Variants in TRAF7 observed in about 807,000 individuals in gnomAD.
The protein encoded by TRAF7 is E3 ubiquitin-protein ligase TRAF7.
TRAF7 carries 45 observed loss-of-function variants against 89.3 expected under a neutral mutation model. The observed-to-expected ratio is 0.50, with a 90% CI of 0.40 to 0.65. The LOEUF is 0.65. TRAF7 is among the 30% of genes least tolerant of loss of function. TRAF7 has a pLI of 0.00. For synonymous variants in TRAF7, 406 were observed against 369.2 expected (o/e 1.10, Z -1.14); for missense variants, 677 against 918.1 (o/e 0.74, Z 3.39).
intron 5 of TRAF7, among the ~76,000 whole-genome samples, chr16:2,170,966 A>G (rs2093106910): frequency 6.6e-6 from 1 of 152,230 alleles, no homozygotes; most frequent in African/African-American, 2.4e-5. Context: ...GGCAGCGGGA[A>G]GCACAGGGCT....
At chr16:2,166,627 C>T (rs2093087531) in intron 3 of TRAF7, among the ~76,000 whole-genome samples, 1 of 152,182 alleles carries the variant, frequency 6.6e-6, no homozygotes, top group Non-Finnish European at 1.5e-5. Context: ...GTCTCAAATT[C>T]CTGGGCTCAC....
At position 2,161,319 on chromosome 16, in the gene TRAF7, T is replaced by C. The variant is rs1229571168; in HGVS notation, c.-38-2564T>C. Among the ~76,000 whole-genome samples, 3 of 151,860 alleles carry C rather than the reference T, an allele frequency of 2.0e-5. No individual in the cohort carries two copies. The highest frequency in any genetic ancestry group is 1.5e-5 in the Non-Finnish European group (1 of 67,946). The stretch of plus-strand genomic sequence containing the variant: ...GCACACCCCACAGATCCTGTGGTGT[T>C]GTCCCCGTGGCCCGGCTGCTGTTGG... On this transcript the variant is annotated intron_variant, in intron 1 of 20. Transcript: ENST00000326181. The surrounding 1 kb of genome is among the most constrained non-coding windows in gnomAD (Gnocchi z 5.2).
In TRAF7 at chr16:2,161,946, C is replaced by T. The variant is rs939572358; in HGVS notation, c.-38-1937C>T. Among the ~76,000 whole-genome samples the T allele has an allele frequency of 2.6e-5, 4 of 152,220 alleles. No homozygotes were observed. Among genetic ancestry groups the T allele is most frequent in the Non-Finnish European group, 4.4e-5 (3 of 68,024 alleles). On this transcript the variant is annotated intron_variant, in intron 1 of 20. Transcript: ENST00000326181. This position sits in a 1 kb window ranked among gnomAD's most constrained non-coding sequence, Gnocchi z 5.2. ...CTGCAGGTGTGTGGCACTGCCCACA[C>T]TCAGGAGCCCCTGCCTCTTCCACAA...
At position 2,175,415 on chromosome 16, in the gene TRAF7, A is replaced by G. The variant is rs1475565384; in HGVS notation, c.1501A>G (p.Lys501Glu). Residue 501 changes from lysine (K) to glutamate (E), a missense_variant and splice_region_variant, in exon 16 of 21, where the codon AAG (lysine) becomes GAG (glutamate). Physicochemically the swap from Lys to Glu is moderately conservative, Grantham distance 56 (BLOSUM62 1). Around this residue, in one of 6 missense-constraint regions of TRAF7, gnomAD observed 160 missense variants for 263.7 expected, o/e 0.61. Transcript: ENST00000326181. ...VLFSGSLKAIKVWDIVGTELK... is the reference protein window; with the variant it reads ...VLFSGSLKAIEVWDIVGTELK... ...CTTCAGCGGCTCCCTGAAGGCCATC[A>G]AGGTACGGGTGGAGGCTGTGCCTAC... 1.2e-6 allele frequency: 2 copies of G among 1,613,322 alleles called. No individual in the cohort carries two copies. Among genetic ancestry groups the G allele is most frequent in the African/African-American group, 2.7e-5 (2 of 74,934 alleles).
chr16:2,173,692 G>A, intron 11 of TRAF7, 96 bp from the exon 12 acceptor site: 4 of 1,581,444 alleles, frequency 2.5e-6, no homozygotes, highest in Non-Finnish European at 2.6e-6. Context: ...TGTCACCCCT[G>A]CCCACCCCTG....
intron 4 of TRAF7, 74 bp from the exon 5 acceptor site, chr16:2,170,540 G>A (rs2093104549): frequency 1.9e-5 from 22 of 1,185,358 alleles, no homozygotes; most frequent in South Asian, 7.7e-5. Flanking sequence ...CGCTTCCGCC[G>A]GGCTGGGTCC....
chr16:2,168,826 A>T lies in TRAF7; in HGVS notation c.231+658A>T, dbSNP rs1270108607. ...GCGCTCATTGCTGGGCTCTGGGCCT[A>T]CCCAGGGGACAGAGGCCAACTCTAC... On this transcript the variant is annotated intron_variant, in intron 4 of 20. Coordinates refer to ENST00000326181, the MANE Select transcript of TRAF7 (RefSeq NM_032271.3). This position sits in a 1 kb window ranked among gnomAD's most constrained non-coding sequence, Gnocchi z 4.1. Among the ~76,000 whole-genome samples the T allele has an allele frequency of 6.6e-6, 1 of 151,530 alleles. No homozygotes were observed. The highest frequency in any genetic ancestry group is 2.4e-5 in the African/African-American group (1 of 41,156).
chr16:2,166,179 C>A (rs1283454116), intron 3 of TRAF7, among the ~76,000 whole-genome samples: 1 of 152,230 alleles, frequency 6.6e-6, no homozygotes, highest in Admixed American at 6.5e-5. Flanking sequence ...CTCTCCCTGC[C>A]CTCTTCATCC....
At chr16:2,165,505 G>T (rs1391210112) in intron 2 of TRAF7, among the ~76,000 whole-genome samples, 1 of 121,928 alleles carries the variant, frequency 8.2e-6, no homozygotes, top group African/African-American at 3.4e-5. Context: ...CAGCCTGGTC[G>T]CATGGTTAAA....
chr16:2,172,656 C>T (rs1596677385), intron 9 of TRAF7, 57 bp downstream of exon 9: 16 of 1,513,606 alleles, frequency 1.1e-5, no homozygotes, highest in African/African-American at 2.8e-5. Flanking sequence ...CCACAGGCTC[C>T]GCTGAGAGCT....
chr16:2,164,178 G>GCGCGCA (rs1555465748), intron 2 of TRAF7, among the ~76,000 whole-genome samples, 177 bp downstream of exon 2: 7 of 131,214 alleles, frequency 5.3e-5, no homozygotes, highest in African/African-American at 2.2e-4. Context: ...GCGCGCGCGC[G>GCGCGCA]CGCACGCGTG....
chr16:2,166,644 C>A (rs1431736587), intron 3 of TRAF7, among the ~76,000 whole-genome samples: 2 of 152,216 alleles, frequency 1.3e-5, no homozygotes, highest in Non-Finnish European at 2.9e-5. Context: ...TCACGTGATC[C>A]TCCTGCCTTG....
rs2093035816 is a variant in TRAF7 at position 2,156,639 on chromosome 16, G to C, written c.-39+781G>C. On this transcript the variant is annotated intron_variant, in intron 1 of 20. Transcript: ENST00000326181. ...AAAGAGCCAGATGTACATAGGCCTGGGGTGAGAAGGGGCCTGACGCACCCC... is the reference window on the plus strand; with the variant it reads ...AAAGAGCCAGATGTACATAGGCCTGCGGTGAGAAGGGGCCTGACGCACCCC... 2.6e-5 allele frequency among the ~76,000 whole-genome samples: 4 copies of C among 151,920 alleles called. 1 individual carries two copies. The South Asian group carries it at 8.3e-4, about 32-fold the overall frequency.
At chr16:2,173,621 G>A (rs989989682) in intron 11 of TRAF7, 67 bp downstream of exon 11, 1 of 1,590,268 alleles carries the variant, frequency 6.3e-7, no homozygotes, top group East Asian at 2.2e-5. Context: ...CGGCAGGGAG[G>A]CCTCCCCTGG....
At position 2,171,382 on chromosome 16, in the gene TRAF7, C is replaced by T. The variant is rs764259448; in HGVS notation, c.441+26C>T. The stretch of plus-strand genomic sequence containing the variant: ...GTGAGCCCGCCGCCCTTCCCAGCCC[C>T]CCTGCTGCCAGAGGCCCCCACAGGA... On this transcript the variant is annotated intron_variant, in intron 6 of 20. Coordinates refer to ENST00000326181, the MANE Select transcript of TRAF7 (RefSeq NM_032271.3). The T allele has an allele frequency of 1.1e-5, 17 of 1,543,842 alleles. No individual in the cohort carries two copies. The East Asian group carries it at 3.7e-4, about 33-fold the overall frequency.
intron 1 of TRAF7, among the ~76,000 whole-genome samples, chr16:2,157,293 G>T (rs536573685): frequency 9.2e-5 from 14 of 152,128 alleles, no homozygotes; most frequent in Non-Finnish European, 1.9e-4. Flanking sequence ...GGGAGCAGTG[G>T]TATGGGCAGC....
chr16:2,158,868 G>A lies in TRAF7; in HGVS notation c.-39+3010G>A, dbSNP rs768621424. On this transcript the variant is annotated intron_variant, in intron 1 of 20. Coordinates refer to ENST00000326181, the MANE Select transcript of TRAF7 (RefSeq NM_032271.3). The surrounding 1 kb of genome is among the most constrained non-coding windows in gnomAD (Gnocchi z 4.7). The stretch of plus-strand genomic sequence containing the variant: ...CTTGACTTGGGTGAGAGCCAGGAAC[G>A]CACTCCCCAGCCCAGAGCTGTGAAG... Among the ~76,000 whole-genome samples, 6 of 151,462 alleles carry A rather than the reference G, an allele frequency of 4.0e-5. No individual in the cohort carries two copies. Among genetic ancestry groups the A allele is most frequent in the African/African-American group, 1.2e-4 (5 of 41,198 alleles).
rs2093095166 is a variant in TRAF7 at position 2,168,342 on chromosome 16, CTCCTGTGGCTG to C, written c.231+175_231+185del. 11 of 580,656 alleles carry C rather than the reference CTCCTGTGGCTG, an allele frequency of 1.9e-5. No homozygotes were observed. The highest frequency in any genetic ancestry group is 3.0e-5 in the Non-Finnish European group (10 of 333,394). The allele number at this position is 580,656 out of a possible 1,614,324, so 36.0% of individuals were successfully genotyped here. A position where few individuals can be genotyped will look rare whatever the true frequency, so the allele number is the denominator to read the frequency against. On this transcript the variant is annotated intron_variant, in intron 4 of 20. Transcript: ENST00000326181. The surrounding 1 kb of genome is among the most constrained non-coding windows in gnomAD (Gnocchi z 4.1). ...CATGGCAAGTCTGTGAGAAAGGAGGCTCCTGTGGCTGGACTGTGGGTGGCAGGGGGCAGCCA... is the reference window on the plus strand; with the variant it reads ...CATGGCAAGTCTGTGAGAAAGGAGGCGACTGTGGGTGGCAGGGGGCAGCCA...
At position 2,160,141 on chromosome 16, in the gene TRAF7, C is replaced by T. The variant is rs993648103; in HGVS notation, c.-38-3742C>T. Among the ~76,000 whole-genome samples, 5 of 152,032 alleles carry T rather than the reference C, an allele frequency of 3.3e-5. No homozygotes were observed. The East Asian group carries it at 7.8e-4, about 24-fold the overall frequency. ...TGCACAGTGGGTGCCCCCAGGGCCC[C>T]GGAATCCCTCCTACGTGAATGTGGG... On this transcript the variant is annotated intron_variant, in intron 1 of 20. Coordinates refer to ENST00000326181, the MANE Select transcript of TRAF7 (RefSeq NM_032271.3).
Sources: gnomAD v4.1 joint callset for allele counts (sites outside exome capture counted in the v4.1 genomes callset) on GRCh38, gnomAD v4.1.1 for gene constraint, gnomAD v4.1.1 regional missense constraint, Gnocchi (gnomAD v3.1) non-coding constraint, MANE v1.5 for transcripts, NCBI Gene and HGNC (gene_info 2026-07-23, HGNC 2026-07-21) for gene names.